Variants in HDAC3 observed in about 807,000 individuals in gnomAD.
The protein encoded by HDAC3 is SMAP45.
In HDAC3, 21 loss-of-function variants were observed where a neutral mutation model predicts 62.3. That is an observed-to-expected ratio of 0.34 (90% CI 0.24 to 0.49). HDAC3 has a LOEUF of 0.49. HDAC3 is among the 20% of genes least tolerant of loss of function. The probability of loss-of-function intolerance (pLI) is 0.99; values close to 1 mark genes in which losing one functional copy is unlikely to be tolerated. For missense variants in HDAC3, 270 were observed against 556.9 expected (o/e 0.48, Z 5.19); for synonymous variants, 198 against 206.5 (o/e 0.96, Z 0.35).
chr5:141,621,636 A>G (rs1562362877), intron 14 of HDAC3, 99 bp from the exon 15 acceptor site: 2 of 878,990 alleles, frequency 2.3e-6, no homozygotes, highest in African/African-American at 1.7e-5. Flanking sequence ...GTTGAGAACC[A>G]CTCCTCCTCT....
At chr5:141,634,100 G>A (rs2099905629) in intron 3 of HDAC3, among the ~76,000 whole-genome samples, 2 of 152,236 alleles carry the variant, frequency 1.3e-5, no homozygotes, top group South Asian at 2.1e-4. Context: ...GATGATACAA[G>A]CTCAATGTAA....
Position 141,625,700 on chromosome 5 carries a change from A to T in HDAC3, c.1044T>A (p.Asn348Lys). Residue 348 changes from asparagine (N) to lysine (K), a missense_variant, in exon 13 of 15, where the codon AAT becomes AAA. Physicochemically the swap from Asn to Lys is moderately conservative, Grantham distance 94. This residue lies in a region of HDAC3 where 156 missense variants were observed against 383.9 expected (regional missense o/e 0.41). Coordinates refer to ENST00000305264, the MANE Select transcript of HDAC3 (RefSeq NM_003883.4). This position sits in a 1 kb window ranked among gnomAD's most constrained non-coding sequence, Gnocchi z 4.0. ...AGCTGCTGACCTGGCGTGAGTTCTG[A>T]TTCTCGATGCGGGTGCTGACATCTG... The part of the protein sequence containing the change: ...LHPDVSTRIE[N>K]QNSRQYLDQI... The T allele has an allele frequency of 6.2e-7, 1 of 1,614,086 alleles. No homozygotes were observed. Among genetic ancestry groups the T allele is most frequent in the Non-Finnish European group, 8.5e-7 (1 of 1,180,020 alleles).
rs1412822244 is a variant in HDAC3 at position 141,625,189 on chromosome 5, G to A, written c.1217+19C>T. The A allele has an allele frequency of 1.3e-6, 2 of 1,585,066 alleles. No homozygotes were observed. Among genetic ancestry groups the A allele is most frequent in the Admixed American group, 3.9e-5 (2 of 51,174 alleles). ...CCAGCAAGCCTATTGAAAGTAGGCT[G>A]AAGTCCCTGCTCCCAGACCTGCTAT... On this transcript the variant is annotated intron_variant, in intron 14 of 14. Transcript: ENST00000305264. The surrounding 1 kb of genome is among the most constrained non-coding windows in gnomAD (Gnocchi z 4.0).
chr5:141,625,676 G>A lies in HDAC3; in HGVS notation c.1059+9C>T, dbSNP rs770344979. 1 of 1,613,530 alleles carries A rather than the reference G, an allele frequency of 6.2e-7. No individual in the cohort carries two copies. Among genetic ancestry groups the A allele is most frequent in the Non-Finnish European group, 8.5e-7 (1 of 1,179,464 alleles). ...AGAAGTTTGTGCTCAGCTTTTCTGA[G>A]CTGCTGACCTGGCGTGAGTTCTGAT... On this transcript the variant is annotated intron_variant, in intron 13 of 14. Coordinates refer to ENST00000305264, the MANE Select transcript of HDAC3 (RefSeq NM_003883.4). This position sits in a 1 kb window ranked among gnomAD's most constrained non-coding sequence, Gnocchi z 4.0.
At chr5:141,622,717 A>G (rs1430066610) in intron 14 of HDAC3, among the ~76,000 whole-genome samples, 1 of 152,238 alleles carries the variant, frequency 6.6e-6, no homozygotes, top group Non-Finnish European at 1.5e-5. Flanking sequence ...ATGGTGAGCA[A>G]TGTCTCAGTT....
In HDAC3 at chr5:141,626,816, A is replaced by T. The variant is rs1409812466; in HGVS notation, c.831-533T>A. 2.7e-5 allele frequency among the ~76,000 whole-genome samples: 4 copies of T among 149,806 alleles called. No homozygotes were observed. Among genetic ancestry groups the T allele is most frequent in the Middle Eastern group, 3.4e-3 (1 of 292 alleles). On this transcript the variant is annotated intron_variant, in intron 10 of 14. Coordinates refer to ENST00000305264, the MANE Select transcript of HDAC3 (RefSeq NM_003883.4). The surrounding 1 kb of genome is among the most constrained non-coding windows in gnomAD (Gnocchi z 4.6). ...TATATATATACACACACACACACAC[A>T]CACCTCTCAGATCATCTACTTCTCT...
rs1468264948 is a variant in HDAC3 at position 141,636,830 on chromosome 5, C to A, written c.-40G>T. 1 of 1,439,300 alleles carries A rather than the reference C, an allele frequency of 6.9e-7. No homozygotes were observed. The highest frequency in any genetic ancestry group is 2.9e-5 in the Admixed American group (1 of 34,594). The allele number at this position is 1,439,300 out of a possible 1,614,324, so 89.2% of individuals were successfully genotyped here. On this transcript the variant is annotated 5_prime_UTR_variant, in exon 1 of 15. Coordinates refer to ENST00000305264, the MANE Select transcript of HDAC3 (RefSeq NM_003883.4). ...CAGGCCCCGCACCTCCGCCGCCCGCCGCCCGCGGCCGCCGCCAGCCCCTCC... is the reference window on the plus strand; with the variant it reads ...CAGGCCCCGCACCTCCGCCGCCCGCAGCCCGCGGCCGCCGCCAGCCCCTCC...
At position 141,628,789 on chromosome 5, in the gene HDAC3, T is replaced by C; in HGVS notation, c.611-150A>G. 1.6e-6 allele frequency: 1 copy of C among 638,984 alleles called. No homozygotes were observed. The highest frequency in any genetic ancestry group is 2.7e-6 in the Non-Finnish European group (1 of 366,450). 39.6% of individuals were successfully genotyped at this position (638,984 alleles called of 1,614,324 possible). ...GCCACTAAATCTCTTGCAGCTTGCATTCATTGGGCAAATAGTTTTGGGGGA... is the reference window on the plus strand; with the variant it reads ...GCCACTAAATCTCTTGCAGCTTGCACTCATTGGGCAAATAGTTTTGGGGGA... On this transcript the variant is annotated intron_variant, in intron 7 of 14. Transcript: ENST00000305264. This position sits in a 1 kb window ranked among gnomAD's most constrained non-coding sequence, Gnocchi z 4.7.
At chr5:141,622,137 C>A (rs1183568873) in intron 14 of HDAC3, among the ~76,000 whole-genome samples, 1 of 152,170 alleles carries the variant, frequency 6.6e-6, no homozygotes, top group Non-Finnish European at 1.5e-5. Context: ...GGCTAGCATG[C>A]AGGACCTTTT....
chr5:141,633,641 C>T (rs1195180106), intron 3 of HDAC3, among the ~76,000 whole-genome samples: 2 of 151,922 alleles, frequency 1.3e-5, no homozygotes, highest in Admixed American at 6.6e-5. Flanking sequence ...GCCTGACCAA[C>T]ATAGTGAAAC....
chr5:141,629,119 C>T lies in HDAC3; in HGVS notation c.610+54G>A. 2 of 1,592,318 alleles carry T rather than the reference C, an allele frequency of 1.3e-6. No homozygotes were observed. Among genetic ancestry groups the T allele is most frequent in the South Asian group, 2.2e-5 (2 of 89,100 alleles). On this transcript the variant is annotated intron_variant, in intron 7 of 14. Transcript: ENST00000305264. The surrounding 1 kb of genome is among the most constrained non-coding windows in gnomAD (Gnocchi z 5.3). The stretch of plus-strand genomic sequence containing the variant: ...AGACTAGAAGGCTGAGAAGGAGGCA[C>T]TCATAGTAAAGAGCTGAAGGGTGCA...
rs2099904832 is a variant in HDAC3 at position 141,628,870 on chromosome 5, A to G, written c.611-231T>C. The stretch of plus-strand genomic sequence containing the variant: ...TAGGGATGCAGCAACGAATGGAACT[A>G]ATGAAATTTACGATATCCCACCACG... On this transcript the variant is annotated intron_variant, in intron 7 of 14. Transcript: ENST00000305264. The surrounding 1 kb of genome is among the most constrained non-coding windows in gnomAD (Gnocchi z 4.7). 6.6e-6 allele frequency among the ~76,000 whole-genome samples: 1 copy of G among 152,234 alleles called. No homozygotes were observed. Among genetic ancestry groups the G allele is most frequent in the South Asian group, 2.1e-4 (1 of 4,834 alleles).
rs2099905984 is a variant in HDAC3, at chr5:141,636,272, TG to T, written c.138+275del. On this transcript the variant is annotated intron_variant, in intron 2 of 14. Coordinates refer to ENST00000305264, the MANE Select transcript of HDAC3 (RefSeq NM_003883.4). Reference sequence around the variant, plus strand: ...AAATGCAGAGGAGGAACACACCTTCTGTCTTCAAACCAGCCCCACATCACGC... The same window carrying T: ...AAATGCAGAGGAGGAACACACCTTCTTCTTCAAACCAGCCCCACATCACGC... 2.4e-5 allele frequency: 12 copies of T among 499,718 alleles called. No homozygotes were observed. The South Asian group carries it at 2.7e-4, about 11-fold the overall frequency. 31.0% of individuals were successfully genotyped at this position (499,718 alleles called of 1,614,324 possible). A position where few individuals can be genotyped will look rare whatever the true frequency, so the allele number is the denominator to read the frequency against.
chr5:141,622,018 G>A (rs2099903775), intron 14 of HDAC3, among the ~76,000 whole-genome samples: 1 of 152,166 alleles, frequency 6.6e-6, no homozygotes, highest in African/African-American at 2.4e-5. Flanking sequence ...CAGAGGTCAT[G>A]AAATGGAAAG....
In HDAC3 at chr5:141,626,768, A is replaced by G. The variant is rs564424533; in HGVS notation, c.831-485T>C. Reference sequence around the variant, plus strand: ...AAAAAAGAAAAAAAAAAACATATATATGTGTGTGTGTGTGTGTATATATAT... The same window carrying G: ...AAAAAAGAAAAAAAAAAACATATATGTGTGTGTGTGTGTGTGTATATATAT... On this transcript the variant is annotated intron_variant, in intron 10 of 14. Transcript: ENST00000305264. The surrounding 1 kb of genome is among the most constrained non-coding windows in gnomAD (Gnocchi z 4.6). Among the ~76,000 whole-genome samples, 16 of 133,290 alleles carry G rather than the reference A, an allele frequency of 1.2e-4. 1 individual carries two copies. The highest frequency in any genetic ancestry group is 3.8e-3 in the Middle Eastern group (1 of 266). 87.4% of individuals were successfully genotyped at this position (133,290 alleles called of 152,430 possible).
At position 141,628,657 on chromosome 5, in the gene HDAC3, G is replaced by A; in HGVS notation, c.611-18C>T. The A allele has an allele frequency of 1.9e-6, 3 of 1,605,498 alleles. No homozygotes were observed. The highest frequency in any genetic ancestry group is 2.6e-6 in the Non-Finnish European group (3 of 1,172,890). ...CATGTCACCTGTAGGGAAGTGGGTG[G>A]TGGTAGCCACACATGGGAAGCACCC... On this transcript the variant is annotated intron_variant, in intron 7 of 14. Transcript: ENST00000305264. The surrounding 1 kb of genome is among the most constrained non-coding windows in gnomAD (Gnocchi z 4.7).
chr5:141,628,365 G>A lies in HDAC3; in HGVS notation c.692-178C>T. On this transcript the variant is annotated intron_variant, in intron 8 of 14. Coordinates refer to ENST00000305264, the MANE Select transcript of HDAC3 (RefSeq NM_003883.4). The surrounding 1 kb of genome is among the most constrained non-coding windows in gnomAD (Gnocchi z 4.7). ...AGACTGCTATGAGTGACTGATGAAAGCCAATGACTTTTCCCAGAAAAATGC... is the reference window on the plus strand; with the variant it reads ...AGACTGCTATGAGTGACTGATGAAAACCAATGACTTTTCCCAGAAAAATGC... The A allele has an allele frequency of 1.4e-6, 1 of 718,504 alleles. No homozygotes were observed. Among genetic ancestry groups the A allele is most frequent in the Non-Finnish European group, 2.4e-6 (1 of 414,324 alleles). 44.5% of individuals were successfully genotyped at this position (718,504 alleles called of 1,614,324 possible).
rs151274069 is a variant in HDAC3, at chr5:141,626,799, TACAC to T, written c.831-520_831-517del. Among the ~76,000 whole-genome samples the T allele has an allele frequency of 4.4e-5, 6 of 136,400 alleles. No individual in the cohort carries two copies. The highest frequency in any genetic ancestry group is 1.4e-4 in the Admixed American group (2 of 13,926). 89.5% of individuals were successfully genotyped at this position (136,400 alleles called of 152,430 possible). Reference sequence around the variant, plus strand: ...GTGTGTGTGTGTATATATATATATATACACACACACACACACACACCTCTCAGAT... The same window carrying T: ...GTGTGTGTGTGTATATATATATATATACACACACACACACACCTCTCAGAT... On this transcript the variant is annotated intron_variant, in intron 10 of 14. Coordinates refer to ENST00000305264, the MANE Select transcript of HDAC3 (RefSeq NM_003883.4). This position sits in a 1 kb window ranked among gnomAD's most constrained non-coding sequence, Gnocchi z 4.6.
chr5:141,629,471 A>G lies in HDAC3; in HGVS notation c.477-165T>C, dbSNP rs533830202. On this transcript the variant is annotated intron_variant, in intron 6 of 14. Transcript: ENST00000305264. The surrounding 1 kb of genome is among the most constrained non-coding windows in gnomAD (Gnocchi z 5.3). ...AACTGGGGGCTCCAGCCTAGAGGCT[A>G]GAGGCAGGGACAGGAGAGGGATATG... is the stretch of plus-strand genomic sequence containing the variant. The G allele has an allele frequency of 1.7e-5, 17 of 995,296 alleles. No individual in the cohort carries two copies. Among genetic ancestry groups the G allele is most frequent in the Middle Eastern group, 3.2e-4 (1 of 3,080 alleles). The allele number at this position is 995,296 out of a possible 1,614,324, so 61.7% of individuals were successfully genotyped here.
Sources: gnomAD v4.1 joint callset for allele counts (sites outside exome capture counted in the v4.1 genomes callset) on GRCh38, gnomAD v4.1.1 for gene constraint, gnomAD v4.1.1 regional missense constraint, Gnocchi (gnomAD v3.1) non-coding constraint, MANE v1.5 for transcripts, NCBI Gene and HGNC (gene_info 2026-07-23, HGNC 2026-07-21) for gene names.